DCAF15: variants seen among roughly 807,000 people sequenced by gnomAD.
DCAF15 encodes DDB1 and CUL4 associated factor 15.
In DCAF15, 24 loss-of-function variants were observed where a neutral mutation model predicts 68.0. The observed-to-expected ratio is 0.35, with a 90% CI of 0.26 to 0.50. The LOEUF is 0.50. Among genes scored for constraint, DCAF15 ranks in the 20% least tolerant of loss-of-function variants. The pLI is 0.98. For synonymous variants in DCAF15, 376 were observed against 341.6 expected, an observed-to-expected ratio of 1.10 and a Z score of -1.11; for missense variants, 627 against 830.6, an observed-to-expected ratio of 0.75 and a Z score of 3.01.
intron 1 of DCAF15, chr19:13,953,229 A>C: frequency 8.0e-7 from 1 of 1,251,428 alleles, no homozygotes; most frequent in Non-Finnish European, 1.1e-6. Context: ...CAGACTGGAA[A>C]CTCCCAGAGC....
chr19:13,956,036 G>T lies in DCAF15; in HGVS notation c.473+18G>T, dbSNP rs1208824603. On this transcript the variant is annotated intron_variant, in intron 4 of 12. Transcript: ENST00000254337. ...GGCTTCAAGTGAGACCAGGCGCCTG[G>T]GGGAGCCTTGGCTGGTTGGGGCAGG... 1 of 1,613,246 alleles carries T rather than the reference G, an allele frequency of 6.2e-7. No homozygotes were observed. The highest frequency in any genetic ancestry group is 1.1e-5 in the South Asian group (1 of 91,086).
Position 13,959,767 on chromosome 19 carries a change from G to A in DCAF15, c.1312G>A (p.Gly438Ser). 2 of 1,613,768 alleles carry A rather than the reference G, an allele frequency of 1.2e-6. No homozygotes were observed. The highest frequency in any genetic ancestry group is 1.7e-6 in the Non-Finnish European group (2 of 1,179,970). The change falls in exon 9 of 13, where the codon GGC (glycine) becomes AGC (serine). Residue 438 changes from glycine (G) to serine (S), a missense_variant and splice_region_variant. Gly to Ser is a moderately conservative substitution (Grantham distance 56, BLOSUM62 0). Coordinates refer to ENST00000254337, the MANE Select transcript of DCAF15 (RefSeq NM_138353.4). ...RPMRERTAVQ[G>S]QYLTVEQLTL... ...CCTGCGCCTACCCACTCACCCGCAGGGCCAGTACCTGACAGTGGAGCAGCT... is the reference window on the plus strand; with the variant it reads ...CCTGCGCCTACCCACTCACCCGCAGAGCCAGTACCTGACAGTGGAGCAGCT...
At chr19:13,958,798 G>T (rs1973468627) in intron 6 of DCAF15, among the ~76,000 whole-genome samples, 1 of 151,870 alleles carries the variant, frequency 6.6e-6, no homozygotes, top group South Asian at 2.1e-4. Flanking sequence ...GTTCACTCCT[G>T]TGTCCTCAGT....
rs746766379 is a variant in DCAF15, at chr19:13,956,348, A to G, written c.614-4A>G. The G allele has an allele frequency of 9.9e-6, 16 of 1,613,322 alleles. No individual in the cohort carries two copies. The highest frequency in any genetic ancestry group is 2.2e-5 in the East Asian group (1 of 44,864). The stretch of plus-strand genomic sequence containing the variant: ...GTGAGCTGCTGTGGCGTGTGTTGCT[A>G]CAGGAGACCCGAATGCACAGTGCCT... On this transcript the variant is annotated splice_polypyrimidine_tract_variant and splice_region_variant and intron_variant, in intron 5 of 12. Coordinates refer to ENST00000254337, the MANE Select transcript of DCAF15 (RefSeq NM_138353.4).
intron 1 of DCAF15, chr19:13,953,302 C>T: frequency 1.6e-6 from 1 of 625,380 alleles, no homozygotes; most frequent in Admixed American, 3.5e-5. Context: ...ATGTGGATCT[C>T]TTGCAGGTGG....
rs775239146 is a variant in DCAF15 at position 13,954,601 on chromosome 19, C to T, written c.306C>T (p.Phe102=). ...SYTSSSGDDD[F]SFYIYHLYWW... ...CCAGCAGCAGTGGGGATGACGACTT[C>T]TCCTTCTACATCTACCATCTGTACT... Residue 102 remains phenylalanine, a synonymous_variant, in exon 3 of 13, where the codon TTC becomes TTT. Transcript: ENST00000254337. The T allele has an allele frequency of 6.2e-7, 1 of 1,614,208 alleles. No individual in the cohort carries two copies. The highest frequency in any genetic ancestry group is 8.5e-7 in the Non-Finnish European group (1 of 1,180,048).
At chr19:13,953,703 C>T (rs1973202423) in intron 1 of DCAF15, among the ~76,000 whole-genome samples, 1 of 152,270 alleles carries the variant, frequency 6.6e-6, no homozygotes, top group Non-Finnish European at 1.5e-5. Flanking sequence ...ATCCCTGTGC[C>T]TGGCTTCTGC....
Position 13,961,413 on chromosome 19 carries a change from T to G in DCAF15, c.*418T>G. 1 of 204,942 alleles carries G rather than the reference T, an allele frequency of 4.9e-6. No individual in the cohort carries two copies. Among genetic ancestry groups the G allele is most frequent in the African/African-American group, 2.3e-5 (1 of 43,588 alleles). The allele number at this position is 204,942 out of a possible 1,614,324, so 12.7% of individuals were successfully genotyped here. A position where few individuals can be genotyped will look rare whatever the true frequency, so the allele number is the denominator to read the frequency against. ...CAACCTGGCCATCCCCATTCCGTTC[T>G]TCTTCATGTAATAAATGTTTTAATT... On this transcript the variant is annotated 3_prime_UTR_variant, in exon 13 of 13. Coordinates refer to ENST00000254337, the MANE Select transcript of DCAF15 (RefSeq NM_138353.4).
rs1485864402 is a variant in DCAF15, at chr19:13,959,067, C to T, written c.807C>T (p.Ile269=). Reference sequence around the variant, plus strand: ...TAGGTGACAGGAGTTTCTGCCAAATCCTGTATGACCACAGCACCTGCCCCC... The same window carrying T: ...TAGGTGACAGGAGTTTCTGCCAAATTCTGTATGACCACAGCACCTGCCCCC... ...HSAGDRSFCQ[I]LYDHSTCPLA... Residue 269 remains isoleucine (I), a synonymous_variant, in exon 7 of 13, where the codon ATC becomes ATT. Transcript: ENST00000254337. The T allele has an allele frequency of 1.9e-6, 3 of 1,607,624 alleles. No homozygotes were observed. The highest frequency in any genetic ancestry group is 3.4e-5 in the Admixed American group (2 of 59,064).
At chr19:13,953,286 G>T in intron 1 of DCAF15, 1 of 700,270 alleles carries the variant, frequency 1.4e-6, no homozygotes, top group Non-Finnish European at 2.3e-6. Context: ...GCTCTGGAGG[G>T]CAGAAATGTG....
At chr19:13,959,940 T>C (rs1383892517) in intron 9 of DCAF15, 44 bp from the exon 10 acceptor site, 1 of 1,292,836 alleles carries the variant, frequency 7.7e-7, no homozygotes, top group South Asian at 1.5e-5. Flanking sequence ...TCCTGTACTC[T>C]GGGGTCGCCC....
intron 10 of DCAF15, 62 bp from the exon 11 acceptor site, chr19:13,960,225 C>T: frequency 1.9e-6 from 3 of 1,579,214 alleles, no homozygotes; most frequent in Non-Finnish European, 2.6e-6. Context: ...TCAGGGTAGC[C>T]TGGGGCCTGG....
chr19:13,960,729 G>A, intron 12 of DCAF15, 149 bp downstream of exon 12: 1 of 1,005,564 alleles, frequency 9.9e-7, no homozygotes, highest in East Asian at 2.6e-5. Context: ...CCCTGAAAGT[G>A]TGGGGCCTGG....
At chr19:13,953,707 C>T (rs1010151794) in intron 1 of DCAF15, among the ~76,000 whole-genome samples, 11 of 152,252 alleles carry the variant, frequency 7.2e-5, no homozygotes, top group African/African-American at 2.7e-4. Flanking sequence ...CTGTGCCTGG[C>T]TTCTGCCTGT....
At position 13,954,521 on chromosome 19, in the gene DCAF15, C is replaced by G; in HGVS notation, c.231-5C>G. On this transcript the variant is annotated splice_polypyrimidine_tract_variant and splice_region_variant and intron_variant, in intron 2 of 12. Transcript: ENST00000254337. ...CTGGCCGCTGTGCCCCCTCCACCCC[C>G]ACAGACATATCTTCCTGGGCTTTTC... 2.5e-6 allele frequency: 4 copies of G among 1,614,194 alleles called. No individual in the cohort carries two copies. The South Asian group carries it at 3.3e-5, about 13-fold the overall frequency.
At position 13,959,601 on chromosome 19, in the gene DCAF15, C is replaced by T; in HGVS notation, c.1239C>T (p.Ile413=). The change falls in exon 8 of 13, where the codon ATC becomes ATT. Residue 413 remains isoleucine, a synonymous_variant. Coordinates refer to ENST00000254337, the MANE Select transcript of DCAF15 (RefSeq NM_138353.4). ...EPEDELEDDK[I]SLPFVVTDLR... is the part of the protein sequence containing the mutation. The stretch of plus-strand genomic sequence containing the variant: ...CCCCAGAGTTGGAGGACGACAAGAT[C>T]TCCCTGCCCTTCGTGGTGACTGATC... The T allele has an allele frequency of 6.3e-7, 1 of 1,597,820 alleles. No individual in the cohort carries two copies. The highest frequency in any genetic ancestry group is 1.1e-5 in the South Asian group (1 of 90,882).
intron 10 of DCAF15, 49 bp downstream of exon 10, chr19:13,960,118 A>G (rs1314962449): frequency 2.5e-6 from 4 of 1,606,642 alleles, no homozygotes; most frequent in Non-Finnish European, 3.4e-6. Flanking sequence ...GGCCACTGGC[A>G]GACACTTCAC....
intron 8 of DCAF15, 36 bp downstream of exon 8, chr19:13,959,709 C>G: frequency 6.2e-7 from 1 of 1,612,576 alleles, no homozygotes; most frequent in Non-Finnish European, 8.5e-7. Flanking sequence ...AGGACAGTCC[C>G]GGGGAGCTGC....
rs1307172958 is a variant in DCAF15 at position 13,956,116 on chromosome 19, C to T, written c.474-7C>T. On this transcript the variant is annotated splice_region_variant and splice_polypyrimidine_tract_variant and intron_variant, in intron 4 of 12. Transcript: ENST00000254337. ...GACCAGGCAGCTGAGGGTATGCTGG[C>T]CCCCAGCACCCGCTCGGCCAACGGG... The T allele has an allele frequency of 2.5e-6, 4 of 1,608,438 alleles. No individual in the cohort carries two copies. Among genetic ancestry groups the T allele is most frequent in the Non-Finnish European group, 3.4e-6 (4 of 1,177,980 alleles).
Sources: allele counts gnomAD v4.1 joint callset (sites outside exome capture counted in the v4.1 genomes callset), GRCh38; gene constraint gnomAD v4.1.1; transcripts MANE v1.5; gene names NCBI Gene and HGNC (gene_info 2026-07-23, HGNC 2026-07-21).